Variants in SERPINI1 observed in about 807,000 individuals in gnomAD.
SERPINI1 encodes neuroserpin.
In SERPINI1, 19 loss-of-function variants were observed where a neutral mutation model predicts 41.1. That is an observed-to-expected ratio of 0.46 (90% CI 0.32 to 0.68). The LOEUF is 0.68. SERPINI1 is among the 30% of genes least tolerant of loss of function. The pLI, the probability that SERPINI1 is intolerant of heterozygous loss-of-function variation, is 0.03. For missense variants in SERPINI1, 460 were observed against 479.2 expected (o/e 0.96, Z 0.37); for synonymous variants, 138 against 156.6 (o/e 0.88, Z 0.89).
chr3:167,825,343 A>G lies in SERPINI1; in HGVS notation c.*20A>G. On this transcript the variant is annotated 3_prime_UTR_variant, in exon 9 of 9. Coordinates refer to ENST00000446050, the MANE Select transcript of SERPINI1 (RefSeq NM_001122752.2). Reference sequence around the variant, plus strand: ...CTTTAAGTTACTTTATTTGAATAACAAGGAAAACAGTAACTAAGCACATTA... The same window carrying G: ...CTTTAAGTTACTTTATTTGAATAACGAGGAAAACAGTAACTAAGCACATTA... 1 of 1,519,142 alleles carries G rather than the reference A, an allele frequency of 6.6e-7. No homozygotes were observed. Among genetic ancestry groups the G allele is most frequent in the Non-Finnish European group, 9.1e-7 (1 of 1,093,382 alleles). The allele number at this position is 1,519,142 out of a possible 1,614,324, so 94.1% of individuals were successfully genotyped here. A position where few individuals can be genotyped will look rare whatever the true frequency, so the allele number is the denominator to read the frequency against.
At chr3:167,764,840 G>A (rs150039874) in intron 1 of SERPINI1, among the ~76,000 whole-genome samples, 44 of 152,264 alleles carry the variant, frequency 2.9e-4, no homozygotes, top group African/African-American at 9.1e-4. Context: ...GGAGAAATTG[G>A]CCAAAACAAA....
chr3:167,740,653 T>C, intron 1 of SERPINI1, among the ~76,000 whole-genome samples: 1 of 152,230 alleles, frequency 6.6e-6, no homozygotes, highest in South Asian at 2.1e-4. Flanking sequence ...AATATTGCTA[T>C]CTTGTTGGAT....
intron 1 of SERPINI1, among the ~76,000 whole-genome samples, chr3:167,746,887 T>C (rs1365555196): frequency 1.3e-5 from 2 of 152,168 alleles, no homozygotes; most frequent in Non-Finnish European, 2.9e-5. Flanking sequence ...CTTCAAAATA[T>C]TAGCCACAGA....
At chr3:167,759,400 G>GTGTATATATATATATATATA (rs964402772) in intron 1 of SERPINI1, among the ~76,000 whole-genome samples, 15 of 121,116 alleles carry the variant, frequency 1.2e-4, no homozygotes, top group African/African-American at 1.8e-4. Flanking sequence ...AGAAAATGTG[G>GTGTATATATATATATATATA]TATATATATA....
chr3:167,783,354 T>C (rs1727204082), intron 1 of SERPINI1, among the ~76,000 whole-genome samples: 1 of 151,832 alleles, frequency 6.6e-6, no homozygotes, highest in African/African-American at 2.4e-5. Context: ...AAAGAGTAGG[T>C]TTGATTGATA....
chr3:167,749,191 T>A (rs1374810220), intron 1 of SERPINI1, among the ~76,000 whole-genome samples: 1 of 152,204 alleles, frequency 6.6e-6, no homozygotes, highest in Non-Finnish European at 1.5e-5. Context: ...CTGAATCTCA[T>A]TTCCTCTCTT....
chr3:167,815,634 C>T (rs796338667), intron 6 of SERPINI1, among the ~76,000 whole-genome samples: 8 of 152,244 alleles, frequency 5.3e-5, no homozygotes, highest in African/African-American at 1.7e-4. Context: ...AAGTGATCTG[C>T]CTGCCTCAGC....
At chr3:167,763,706 G>T (rs1357226307) in intron 1 of SERPINI1, among the ~76,000 whole-genome samples, 2 of 152,068 alleles carry the variant, frequency 1.3e-5, no homozygotes, top group Non-Finnish European at 2.9e-5. Context: ...AAAAATACAG[G>T]CAACTGAGGT....
At chr3:167,760,561 T>TTGTGTG (rs57003321) in intron 1 of SERPINI1, among the ~76,000 whole-genome samples, 17 of 140,708 alleles carry the variant, frequency 1.2e-4, no homozygotes, top group South Asian at 2.6e-4. Context: ...TGGCTCCAAA[T>TTGTGTG]TGTGTGTGTG....
chr3:167,767,361 G>T (rs1726600776), intron 1 of SERPINI1, among the ~76,000 whole-genome samples: 1 of 152,098 alleles, frequency 6.6e-6, no homozygotes, highest in South Asian at 2.1e-4. Flanking sequence ...AAATATTACT[G>T]CTCGTTGACA....
intron 5 of SERPINI1, among the ~76,000 whole-genome samples, chr3:167,805,170 T>G (rs1410236553): frequency 3.3e-5 from 5 of 152,174 alleles, no homozygotes; most frequent in Non-Finnish European, 7.3e-5. Context: ...ACCAACAGTG[T>G]AAAAGCATTC....
chr3:167,783,293 A>G (rs1159340379), intron 1 of SERPINI1, among the ~76,000 whole-genome samples: 1 of 152,154 alleles, frequency 6.6e-6, no homozygotes, highest in East Asian at 1.9e-4. Context: ...TGAATTGAAC[A>G]TGAGGGAAAA....
At chr3:167,753,644 A>G (rs1209297908) in intron 1 of SERPINI1, among the ~76,000 whole-genome samples, 2 of 152,146 alleles carry the variant, frequency 1.3e-5, no homozygotes, top group South Asian at 2.1e-4. Flanking sequence ...CTTATACTTC[A>G]TGTCCAGTGC....
At chr3:167,740,402 ATACT>A (rs1323288724) in intron 1 of SERPINI1, among the ~76,000 whole-genome samples, 4 of 152,178 alleles carry the variant, frequency 2.6e-5, no homozygotes, top group Non-Finnish European at 4.4e-5. Context: ...TTCTCACCAG[ATACT>A]TAGTATCTTT....
chr3:167,769,168 A>G (rs1299080765), intron 1 of SERPINI1, among the ~76,000 whole-genome samples: 1 of 151,766 alleles, frequency 6.6e-6, no homozygotes, highest in Non-Finnish European at 1.5e-5. Flanking sequence ...TAATTTTTGT[A>G]TTTTTAGTAG....
At chr3:167,778,336 C>G (rs62278357) in intron 1 of SERPINI1, among the ~76,000 whole-genome samples, 19,529 of 152,172 alleles carry the variant, frequency 0.13, 1,528 homozygotes, top group African/African-American at 0.21. Flanking sequence ...CAAAGCAGCT[C>G]AGCAGTAGAG....
chr3:167,819,954 T>G (rs995286059), intron 6 of SERPINI1, among the ~76,000 whole-genome samples: 1 of 152,242 alleles, frequency 6.6e-6, no homozygotes, highest in African/African-American at 2.4e-5. Context: ...ATCTTTTGTT[T>G]GTTTTGTTTC....
At chr3:167,811,689 T>C (rs1711893782) in intron 6 of SERPINI1, among the ~76,000 whole-genome samples, 1 of 151,948 alleles carries the variant, frequency 6.6e-6, no homozygotes, top group African/African-American at 2.4e-5. Flanking sequence ...TTAATTAAAA[T>C]TGTTACTTAA....
chr3:167,809,511 T>A (rs960494806), intron 6 of SERPINI1, among the ~76,000 whole-genome samples: 1 of 152,188 alleles, frequency 6.6e-6, no homozygotes, highest in African/African-American at 2.4e-5. Context: ...TTTGGAAGGT[T>A]TATAAGGTAA....
Sources: allele counts gnomAD v4.1 joint callset (sites outside exome capture counted in the v4.1 genomes callset), GRCh38; gene constraint gnomAD v4.1.1; transcripts MANE v1.5; gene names NCBI Gene and HGNC (gene_info 2026-07-23, HGNC 2026-07-21).